Variants in NUP210L observed in about 807,000 individuals in gnomAD.
NUP210L encodes nucleoporin 210 like, also known as nuclear pore membrane glycoprotein 210-like.
Under a neutral mutation model 208.5 loss-of-function variants are expected in NUP210L, and 74 were observed. The ratio of observed to expected loss-of-function variants is 0.35; its 90% CI spans 0.29 to 0.43. The LOEUF (loss-of-function observed/expected upper bound fraction) is 0.43. Ranked by LOEUF, NUP210L falls within the 20% of genes least tolerant of loss-of-function variation. The probability of loss-of-function intolerance (pLI) is 1.00; values close to 1 mark genes in which losing one functional copy is unlikely to be tolerated. For synonymous variants in NUP210L, 780 were observed against 816.9 expected, an observed-to-expected ratio of 0.95 and a Z score of 0.77; for missense variants, 1,843 against 2,289.4, an observed-to-expected ratio of 0.81 and a Z score of 3.98.
chr1:154,061,623 A>G, exon 18 of NUP210L: 1 of 1,609,240 alleles, frequency 6.2e-7, no homozygotes, highest in Non-Finnish European at 8.5e-7. Flanking sequence ...CACAAAATTG[A>G]CTCCAATCAG....
chr1:154,024,920 CTGTTTTTT>C (rs1406469904), intron 30 of NUP210L, among the ~76,000 whole-genome samples: 2 of 111,116 alleles, frequency 1.8e-5, no homozygotes, highest in Non-Finnish European at 3.6e-5. Context: ...TTAGGCTGAT[CTGTTTTTT>C]TTTTTTTTTT....
At chr1:153,994,948 G>C (rs972782752) in intron 38 of NUP210L, 128 bp downstream of exon 38, 1 of 561,386 alleles carries the variant, frequency 1.8e-6, no homozygotes, top group African/African-American at 2.0e-5. Context: ...GGCGGCAGAG[G>C]TTGCTGTAAG....
chr1:154,143,648 A>G (rs1658969901), intron 2 of NUP210L, 71 bp from the exon 3 acceptor site: 1 of 1,305,132 alleles, frequency 7.7e-7, no homozygotes, highest in Non-Finnish European at 1.1e-6. Context: ...CAAATACTCA[A>G]AACTGTATTC....
chr1:154,114,092 A>G (rs1159445628), intron 12 of NUP210L, among the ~76,000 whole-genome samples: 1 of 150,982 alleles, frequency 6.6e-6, no homozygotes, highest in African/African-American at 2.4e-5. Context: ...GCAATGAGCC[A>G]AGATCGCACC....
intron 3 of NUP210L, 74 bp from the exon 4 acceptor site, chr1:154,141,598 G>A: frequency 1.1e-6 from 1 of 880,414 alleles, no homozygotes; most frequent in South Asian, 1.4e-5. Flanking sequence ...AACAAGAAAG[G>A]GAAACCTAAC....
chr1:154,007,994 C>T (rs1650663740), intron 35 of NUP210L, among the ~76,000 whole-genome samples: 1 of 152,004 alleles, frequency 6.6e-6, no homozygotes, highest in Non-Finnish European at 1.5e-5. Flanking sequence ...GCCTCAGCCT[C>T]CCGAGTAGCT....
chr1:154,054,303 A>G (rs1653686990), exon 25 of NUP210L: 1 of 1,614,220 alleles, frequency 6.2e-7, no homozygotes, highest in Non-Finnish European at 8.5e-7. Flanking sequence ...CTGTGCCAAC[A>G]ATCTTCCCTG....
At chr1:154,143,308 A>C in intron 3 of NUP210L, 138 bp downstream of exon 3, 1 of 624,536 alleles carries the variant, frequency 1.6e-6, no homozygotes, top group Non-Finnish European at 2.8e-6. Flanking sequence ...ATTATTATTC[A>C]TCTATGAGCT....
chr1:154,034,627 A>T (rs1427800752), intron 27 of NUP210L, among the ~76,000 whole-genome samples: 1 of 151,506 alleles, frequency 6.6e-6, no homozygotes. Context: ...CTGTGCCCAG[A>T]CTGCTTTGCT....
At chr1:154,074,512 G>A (rs1485424605) in intron 16 of NUP210L, among the ~76,000 whole-genome samples, 6 of 142,436 alleles carry the variant, frequency 4.2e-5, no homozygotes, top group African/African-American at 7.8e-5. Context: ...TTTTTGAGAC[G>A]GAGTCTCACT....
intron 37 of NUP210L, 83 bp downstream of exon 37, chr1:154,000,773 A>C: frequency 8.2e-7 from 1 of 1,219,198 alleles, no homozygotes; most frequent in Non-Finnish European, 1.2e-6. Context: ...GCGGAAAGCA[A>C]AACTGCAGAT....
At chr1:154,054,736 A>C (rs1653715954) in intron 24 of NUP210L, 34 bp downstream of exon 24, 3 of 1,450,144 alleles carry the variant, frequency 2.1e-6, no homozygotes, top group Non-Finnish European at 1.9e-6. Flanking sequence ...TAAGGAGAAA[A>C]GGTAAATCTT....
chr1:154,107,724 G>A (rs762098825), intron 12 of NUP210L, among the ~76,000 whole-genome samples: 11 of 151,878 alleles, frequency 7.2e-5, no homozygotes, highest in Non-Finnish European at 1.5e-4. Flanking sequence ...AGAATAAGCT[G>A]GGCATGGTGG....
At chr1:154,005,605 C>T (rs1650478985) in intron 35 of NUP210L, among the ~76,000 whole-genome samples, 2 of 151,994 alleles carry the variant, frequency 1.3e-5, no homozygotes, top group Non-Finnish European at 2.9e-5. Context: ...GATGTGATTT[C>T]AGCTCACCAC....
intron 1 of NUP210L, among the ~76,000 whole-genome samples, chr1:154,153,961 G>A (rs74115723): frequency 6.6e-6 from 1 of 152,212 alleles, no homozygotes; most frequent in African/African-American, 2.4e-5. Context: ...CTCCATCTAG[G>A]ATGAATGCAC....
intron 16 of NUP210L, among the ~76,000 whole-genome samples, chr1:154,078,213 A>T (rs1451199355): frequency 6.6e-6 from 1 of 150,982 alleles, no homozygotes; most frequent in Non-Finnish European, 1.5e-5. Flanking sequence ...GCTACTAGGG[A>T]GGCTGGGGTG....
At chr1:153,995,391 C>G (rs965784764) in intron 37 of NUP210L, among the ~76,000 whole-genome samples, 1 of 152,210 alleles carries the variant, frequency 6.6e-6, no homozygotes, top group African/African-American at 2.4e-5. Context: ...AGAGTATCTG[C>G]CAGAAGTATT....
chr1:154,087,256 G>T (rs1449727830), intron 16 of NUP210L, among the ~76,000 whole-genome samples: 4 of 148,172 alleles, frequency 2.7e-5, no homozygotes, highest in African/African-American at 1.0e-4. Flanking sequence ...GGGGCTGGAG[G>T]TTGCAGTGAG....
At chr1:154,010,340 A>C (rs998328563) in intron 34 of NUP210L, among the ~76,000 whole-genome samples, 3 of 152,152 alleles carry the variant, frequency 2.0e-5, no homozygotes, top group African/African-American at 7.2e-5. Flanking sequence ...TCCATTATCA[A>C]TGTCATACAT....
Sources: allele counts gnomAD v4.1 joint callset (sites outside exome capture counted in the v4.1 genomes callset), GRCh38; gene constraint gnomAD v4.1.1; transcripts MANE v1.5; gene names NCBI Gene and HGNC (gene_info 2026-07-23, HGNC 2026-07-21).